RNF115: variants seen among roughly 807,000 people sequenced by gnomAD.
RNF115 encodes the protein E3 ubiquitin-protein ligase RNF115.
In RNF115, 31 loss-of-function variants were observed where a neutral mutation model predicts 39.2. The ratio of observed to expected loss-of-function variants is 0.79; its 90% CI spans 0.59 to 1.07. The LOEUF (loss-of-function observed/expected upper bound fraction) is 1.07, where lower values mean the gene tolerates loss of function less well. Among genes scored for constraint, RNF115 ranks in the 50% least tolerant of loss-of-function variants. The pLI, the probability that RNF115 is intolerant of heterozygous loss-of-function variation, is 0.00. For missense variants in RNF115, 384 were observed against 381.7 expected, an observed-to-expected ratio of 1.01 and a Z score of -0.05; for synonymous variants, 124 against 131.0, an observed-to-expected ratio of 0.95 and a Z score of 0.37.
intron 1 of RNF115, among the ~76,000 whole-genome samples, chr1:145,811,962 G>C (rs1169359875): frequency 3.2e-5 from 4 of 126,144 alleles, no homozygotes; most frequent in Non-Finnish European, 6.8e-5. Flanking sequence ...TAGAAAAGCT[G>C]TATTACCTGT....
intron 3 of RNF115, among the ~76,000 whole-genome samples, chr1:145,781,174 C>T (rs1485944703): frequency 9.9e-5 from 15 of 152,060 alleles, no homozygotes; most frequent in African/African-American, 3.4e-4. Flanking sequence ...AAAGTCAATA[C>T]TGATTTTGAC....
intron 1 of RNF115, among the ~76,000 whole-genome samples, chr1:145,793,648 G>A (rs1020231626): frequency 6.8e-6 from 1 of 147,906 alleles, no homozygotes; most frequent in Admixed American, 6.8e-5. Flanking sequence ...ACACACCCTC[G>A]AGAGGTGGCA....
In RNF115 at chr1:145,746,608, G is replaced by A. The variant is rs138510754; in HGVS notation, c.*258C>T. On this transcript the variant is annotated 3_prime_UTR_variant, in exon 9 of 9. Coordinates refer to ENST00000582693, the MANE Select transcript of RNF115 (RefSeq NM_014455.4). ...AAGGAATTAATTCTATTCAGACGGG[G>A]GGAGCCCTACATAATTAAGTTTCAC... The A allele has an allele frequency of 7.4e-5, 29 of 393,708 alleles. No individual in the cohort carries two copies. The highest frequency in any genetic ancestry group is 5.5e-4 in the African/African-American group (27 of 48,834). 24.4% of individuals were successfully genotyped at this position (393,708 alleles called of 1,614,324 possible).
chr1:145,816,831 C>T (rs1650015836), intron 1 of RNF115, among the ~76,000 whole-genome samples: 1 of 129,440 alleles, frequency 7.7e-6, no homozygotes, highest in African/African-American at 2.6e-5. Flanking sequence ...TACAGTGGCA[C>T]AACCATAGCT....
intron 1 of RNF115, among the ~76,000 whole-genome samples, chr1:145,808,508 T>C (rs1200693049): frequency 1.3e-5 from 2 of 152,206 alleles, no homozygotes; most frequent in Non-Finnish European, 2.9e-5. Context: ...TGTCTAATCA[T>C]GTCCTCCTTT....
chr1:145,759,366 T>A (rs1658417408), intron 4 of RNF115, among the ~76,000 whole-genome samples: 1 of 152,206 alleles, frequency 6.6e-6, no homozygotes, highest in Non-Finnish European at 1.5e-5. Flanking sequence ...GAATGAACTC[T>A]TAAATATTTT....
At chr1:145,796,811 C>T (rs1571767144) in intron 1 of RNF115, among the ~76,000 whole-genome samples, 1 of 152,224 alleles carries the variant, frequency 6.6e-6, no homozygotes, top group East Asian at 1.9e-4. Flanking sequence ...AACAACAACC[C>T]ATTTCTCCCC....
At chr1:145,759,394 C>T (rs896659823) in intron 4 of RNF115, among the ~76,000 whole-genome samples, 4 of 152,268 alleles carry the variant, frequency 2.6e-5, no homozygotes, top group African/African-American at 4.8e-5. Context: ...ACTTACTCCT[C>T]CTAATGTTCC....
chr1:145,760,796 G>C (rs1477057576), intron 4 of RNF115, among the ~76,000 whole-genome samples: 1 of 152,166 alleles, frequency 6.6e-6, no homozygotes, highest in African/African-American at 2.4e-5. Context: ...ATTGACTTTG[G>C]AACTAAGGAA....
rs79470906 is a variant in RNF115, at chr1:145,786,083, T to C, written c.162-1487A>G. Reference sequence around the variant, plus strand: ...AATTGAAACCGCAACTCTTATTTTCTGGGGTTCTGCTCTCCCTGAAGCTAC... The same window carrying C: ...AATTGAAACCGCAACTCTTATTTTCCGGGGTTCTGCTCTCCCTGAAGCTAC... On this transcript the variant is annotated intron_variant, in intron 2 of 8. Coordinates refer to ENST00000582693, the MANE Select transcript of RNF115 (RefSeq NM_014455.4). 4.7e-3 allele frequency among the ~76,000 whole-genome samples: 710 copies of C among 152,328 alleles called. 9 individuals carry two copies. Among genetic ancestry groups the C allele is most frequent in the Admixed American group, 7.6e-3 (116 of 15,304 alleles).
chr1:145,746,891 T>G lies in RNF115; in HGVS notation c.890A>C (p.Gln297Pro). The G allele has an allele frequency of 6.2e-7, 1 of 1,614,128 alleles. No homozygotes were observed. The highest frequency in any genetic ancestry group is 8.5e-7 in the Non-Finnish European group (1 of 1,180,020). ...TCAGAAAGTCCATCGGTCATGTAGC[T>G]GACTGTCATTGCTAAATCTGTTGCT... is the stretch of plus-strand genomic sequence containing the variant. ...SASNRFSNDS[Q>P]LHDRWTF The change falls in exon 9 of 9, where the codon CAG (glutamine) becomes CCG (proline). Residue 297 changes from glutamine (Q) to proline (P), a missense_variant. Coordinates refer to ENST00000582693, the MANE Select transcript of RNF115 (RefSeq NM_014455.4).
At chr1:145,766,160 T>C (rs587655624) in intron 4 of RNF115, among the ~76,000 whole-genome samples, 19 of 152,328 alleles carry the variant, frequency 1.2e-4, no homozygotes, top group Admixed American at 5.2e-4. Flanking sequence ...AGTGTTTGTG[T>C]CCCTGGGTAC....
chr1:145,819,575 A>C (rs116543802), intron 1 of RNF115, among the ~76,000 whole-genome samples: 3,330 of 152,066 alleles, frequency 0.022, 25 homozygotes, highest in African/African-American at 0.076. Flanking sequence ...TATTCCAAAA[A>C]ATCGAGGAGG....
At chr1:145,779,854 G>A (rs1372463548) in intron 3 of RNF115, among the ~76,000 whole-genome samples, 1 of 151,798 alleles carries the variant, frequency 6.6e-6, no homozygotes, top group Non-Finnish European at 1.5e-5. Context: ...GTAAAGACAG[G>A]GTTTCATCAC....
chr1:145,819,863 C>A (rs1650157020), intron 1 of RNF115, among the ~76,000 whole-genome samples: 1 of 151,578 alleles, frequency 6.6e-6, no homozygotes, highest in Admixed American at 6.6e-5. Flanking sequence ...CACGGGGAAA[C>A]CCCATCTCTA....
At chr1:145,756,002 TAAAC>T (rs1658281112) in intron 4 of RNF115, among the ~76,000 whole-genome samples, 3 of 152,034 alleles carry the variant, frequency 2.0e-5, no homozygotes, top group Admixed American at 2.0e-4. Flanking sequence ...GAAGAACAGT[TAAAC>T]AAAAAGGACA....
Position 145,751,513 on chromosome 1 carries a change from A to C in RNF115, c.501-3T>G. 6.3e-7 allele frequency: 1 copy of C among 1,591,932 alleles called. No individual in the cohort carries two copies. The highest frequency in any genetic ancestry group is 8.6e-7 in the Non-Finnish European group (1 of 1,167,258). ...GGTTGGAGTGCAGCATCCCGCTCCT[A>C]TACGTGAGATGAGATAGACAGCATT... On this transcript the variant is annotated splice_region_variant and splice_polypyrimidine_tract_variant and intron_variant, in intron 5 of 8. Transcript: ENST00000582693.
At chr1:145,805,497 C>A (rs1345029082) in intron 1 of RNF115, among the ~76,000 whole-genome samples, 2 of 151,778 alleles carry the variant, frequency 1.3e-5, no homozygotes, top group African/African-American at 4.8e-5. Flanking sequence ...ACATTACCAG[C>A]ATTATTGCTT....
intron 2 of RNF115, chr1:145,787,168 ACTT>A (rs1553718193): frequency 6.3e-6 from 3 of 474,630 alleles, no homozygotes; most frequent in African/African-American, 4.1e-5. Context: ...ACCAGTCGGT[ACTT>A]CTTCAATTTT....
Sources: gnomAD v4.1 joint callset for allele counts (sites outside exome capture counted in the v4.1 genomes callset) on GRCh38, gnomAD v4.1.1 for gene constraint, MANE v1.5 for transcripts, NCBI Gene and HGNC (gene_info 2026-07-23, HGNC 2026-07-21) for gene names.